MYH14: variants seen among roughly 807,000 people sequenced by gnomAD.
MYH14 encodes the protein myosin-14.
In MYH14, 123 loss-of-function variants were observed where a neutral mutation model predicts 255.5. The observed-to-expected ratio is 0.48, with a 90% confidence interval of 0.42 to 0.56. MYH14 has a LOEUF of 0.56. Ranked by LOEUF, MYH14 falls within the 20% of genes least tolerant of loss-of-function variation. The pLI is 0.00. For missense variants in MYH14, 2,423 were observed against 2,802.3 expected (o/e 0.86, Z 3.06); for synonymous variants, 1,095 against 1,161.2 (o/e 0.94, Z 1.16).
intron 2 of MYH14, among the ~76,000 whole-genome samples, chr19:50,213,188 A>G (rs1000128336): frequency 2.0e-5 from 3 of 152,096 alleles, no homozygotes; most frequent in Non-Finnish European, 2.9e-5. Flanking sequence ...AGCTCAAGTG[A>G]TCTGCCCAAC....
chr19:50,235,980 A>G (rs1403122334), intron 10 of MYH14, among the ~76,000 whole-genome samples: 3 of 151,922 alleles, frequency 2.0e-5, no homozygotes, highest in Non-Finnish European at 2.9e-5. Flanking sequence ...CTTTCAGCCA[A>G]TCCCTTGCAG....
chr19:50,265,903 G>C (rs1001714413), intron 22 of MYH14, among the ~76,000 whole-genome samples: 1 of 152,162 alleles, frequency 6.6e-6, no homozygotes, highest in Non-Finnish European at 1.5e-5. Context: ...AATATTTCCT[G>C]CCTGGCCCTT....
intron 1 of MYH14, among the ~76,000 whole-genome samples, chr19:50,208,454 AC>A (rs1568459661): frequency 8.6e-5 from 13 of 151,258 alleles, no homozygotes; most frequent in Admixed American, 2.0e-4. Flanking sequence ...AAACAAACAA[AC>A]AAAAAAACCC....
At chr19:50,287,170 GAC>G (rs1194213347) in intron 34 of MYH14, among the ~76,000 whole-genome samples, 2 of 152,106 alleles carry the variant, frequency 1.3e-5, no homozygotes, top group Non-Finnish European at 2.9e-5. Context: ...CATCCATATA[GAC>G]ACACACAGCG....
At chr19:50,270,356 T>TA (rs2035247975) in intron 24 of MYH14, among the ~76,000 whole-genome samples, 1 of 151,862 alleles carries the variant, frequency 6.6e-6, no homozygotes, top group Non-Finnish European at 1.5e-5. Context: ...CCATCTCTAC[T>TA]AAAAATACAA....
At chr19:50,219,546 C>T (rs1482648235) in intron 3 of MYH14, among the ~76,000 whole-genome samples, 2 of 152,146 alleles carry the variant, frequency 1.3e-5, no homozygotes, top group South Asian at 2.1e-4. Flanking sequence ...GGGGCTTTTA[C>T]GAACATTTCC....
intron 1 of MYH14, among the ~76,000 whole-genome samples, chr19:50,205,306 C>T (rs1038455709): frequency 1.3e-5 from 2 of 152,148 alleles, no homozygotes; most frequent in Non-Finnish European, 2.9e-5. Context: ...CCCCTGGCGC[C>T]GCCGCCGCCG....
chr19:50,260,740 C>CGT (rs754997833), intron 20 of MYH14, 25 bp downstream of exon 20: 30 of 1,468,050 alleles, frequency 2.0e-5, no homozygotes, highest in South Asian at 1.2e-4. Context: ...GCCTGGAATG[C>CGT]GTGTGTGCGT....
intron 39 of MYH14, among the ~76,000 whole-genome samples, chr19:50,299,316 T>TCACA (rs2036392345): frequency 6.6e-6 from 1 of 152,128 alleles, no homozygotes; most frequent in African/African-American, 2.4e-5. Context: ...ACATCTGTGA[T>TCACA]TCCAGCACTT....
chr19:50,224,239 C>G, intron 6 of MYH14, 62 bp downstream of exon 6: 2 of 1,611,148 alleles, frequency 1.2e-6, no homozygotes, highest in Non-Finnish European at 1.7e-6. Context: ...CCACCCAATG[C>G]ATGATCTTCT....
intron 2 of MYH14, among the ~76,000 whole-genome samples, chr19:50,216,801 C>CTTTTTTT (rs200626930): frequency 4.0e-4 from 45 of 112,804 alleles, no homozygotes; most frequent in African/African-American, 1.6e-3. Flanking sequence ...TCCATCCTTT[C>CTTTTTTT]TTTTTTTTTT....
chr19:50,258,818 C>A, intron 18 of MYH14: 1 of 273,652 alleles, frequency 3.7e-6, no homozygotes. Context: ...TCCCAGGAGG[C>A]CTTTTGGCGA....
intron 29 of MYH14, 94 bp from the exon 30 acceptor site, chr19:50,277,989 G>C: frequency 1.1e-6 from 1 of 927,208 alleles, no homozygotes; most frequent in Non-Finnish European, 1.5e-6. Flanking sequence ...CCAGGCAGAG[G>C]GAACAGCCAG....
chr19:50,278,824 A>C (rs1179610841), intron 30 of MYH14, among the ~76,000 whole-genome samples: 16 of 151,924 alleles, frequency 1.1e-4, no homozygotes, highest in African/African-American at 2.4e-4. Context: ...AAAAAAAAAA[A>C]AAAAAAACAC....
At position 50,272,705 on chromosome 19, in the gene MYH14, G is replaced by A. The variant is rs2035354479; in HGVS notation, c.3441G>A (p.Glu1147=). ...TGCGGGCCCAGCTGGGCCGGAAGGAGGAGGAGCTGCAGGCTGCCCTGGCCA... is the reference window on the plus strand; with the variant it reads ...TGCGGGCCCAGCTGGGCCGGAAGGAAGAGGAGCTGCAGGCTGCCCTGGCCA... ...EELRAQLGRK[E]EELQAALARA... is the part of the protein sequence containing the mutation. Residue 1147 remains glutamate (E), a synonymous_variant, in exon 27 of 43, where the codon GAG becomes GAA. Coordinates refer to ENST00000642316, the MANE Select transcript of MYH14 (RefSeq NM_001145809.2). The A allele has an allele frequency of 1.3e-6, 2 of 1,551,720 alleles. No individual in the cohort carries two copies. The highest frequency in any genetic ancestry group is 1.7e-6 in the Non-Finnish European group (2 of 1,148,042).
chr19:50,288,947 A>G (rs2035978171), intron 34 of MYH14, among the ~76,000 whole-genome samples: 1 of 152,058 alleles, frequency 6.6e-6, no homozygotes, highest in African/African-American at 2.4e-5. Context: ...TCCCTGAAAG[A>G]TCAGGGACCC....
chr19:50,259,522 A>G (rs2034742614), intron 19 of MYH14, among the ~76,000 whole-genome samples: 1 of 152,252 alleles, frequency 6.6e-6, no homozygotes, highest in African/African-American at 2.4e-5. Flanking sequence ...TGTTTAGGGC[A>G]GTAGGCCCCA....
chr19:50,268,926 A>G (rs1054085840), intron 24 of MYH14, among the ~76,000 whole-genome samples: 30 of 152,254 alleles, frequency 2.0e-4, no homozygotes, highest in African/African-American at 6.5e-4. Flanking sequence ...TCTAGTGTGT[A>G]TTTTACACTA....
At chr19:50,273,548 G>A (rs1355688363) in intron 27 of MYH14, among the ~76,000 whole-genome samples, 7 of 151,650 alleles carry the variant, frequency 4.6e-5, no homozygotes, top group Non-Finnish European at 7.4e-5. Flanking sequence ...GCTCCATTTC[G>A]GAGATGTTAA....
Sources: gnomAD v4.1 joint callset for allele counts (sites outside exome capture counted in the v4.1 genomes callset) on GRCh38, gnomAD v4.1.1 for gene constraint, MANE v1.5 for transcripts, NCBI Gene and HGNC (gene_info 2026-07-23, HGNC 2026-07-21) for gene names.